Variants in MIER3 observed in about 807,000 individuals in gnomAD.
The protein encoded by MIER3 is MIER family member 3.
MIER3 carries 9 observed loss-of-function variants against 63.2 expected under a neutral mutation model. The ratio of observed to expected loss-of-function variants is 0.14; its 90% CI spans 0.09 to 0.25. The LOEUF (loss-of-function observed/expected upper bound fraction) is 0.25. Among genes scored for constraint, MIER3 ranks in the 10% least tolerant of loss-of-function variants. MIER3 has a pLI of 1.00. For missense variants in MIER3, 512 were observed against 666.2 expected, an observed-to-expected ratio of 0.77 and a Z score of 2.55; for synonymous variants, 205 against 224.9, an observed-to-expected ratio of 0.91 and a Z score of 0.79.
intron 9 of MIER3, 120 bp from the exon 10 acceptor site, chr5:56,928,981 ACTCTCTCTCT>A (rs371679889): frequency 7.9e-5 from 37 of 469,150 alleles, no homozygotes; most frequent in Non-Finnish European, 1.3e-4. Flanking sequence ...ACACACACAC[ACTCTCTCTCT>A]CACACACACA....
intron 8 of MIER3, among the ~76,000 whole-genome samples, chr5:56,932,366 T>A (rs1750298876): frequency 6.6e-6 from 1 of 152,178 alleles, no homozygotes; most frequent in Non-Finnish European, 1.5e-5. Context: ...CATGTGATAT[T>A]CAAAAAAGCA....
chr5:56,922,955 T>G lies in MIER3; in HGVS notation c.*173A>C. 1.6e-6 allele frequency: 1 copy of G among 616,460 alleles called. No homozygotes were observed. Among genetic ancestry groups the G allele is most frequent in the Non-Finnish European group, 2.8e-6 (1 of 355,386 alleles). 38.2% of individuals were successfully genotyped at this position (616,460 alleles called of 1,614,324 possible). A position where few individuals can be genotyped will look rare whatever the true frequency, so the allele number is the denominator to read the frequency against. ...TGATCATAGTTCATTTCCACATTTATGGATTGAAAAATGAAAATACTCTTG... is the reference window on the plus strand; with the variant it reads ...TGATCATAGTTCATTTCCACATTTAGGGATTGAAAAATGAAAATACTCTTG... On this transcript the variant is annotated 3_prime_UTR_variant, in exon 13 of 13. Coordinates refer to ENST00000381199, the MANE Select transcript of MIER3 (RefSeq NM_001297599.2).
chr5:56,949,602 G>A (rs1338499657), intron 2 of MIER3, among the ~76,000 whole-genome samples: 1 of 152,122 alleles, frequency 6.6e-6, no homozygotes, highest in East Asian at 1.9e-4. Flanking sequence ...TCTTCTACTT[G>A]GTGTTATAAT....
Position 56,923,082 on chromosome 5 carries a change from C to G in MIER3, c.*46G>C. 1 of 1,553,158 alleles carries G rather than the reference C, an allele frequency of 6.4e-7. No homozygotes were observed. Among genetic ancestry groups the G allele is most frequent in the Non-Finnish European group, 8.8e-7 (1 of 1,134,222 alleles). ...ACTATGCAAACCTGATAGCTCCCCT[C>G]AAGTTTACTGGTGCTGCACACGCAG... On this transcript the variant is annotated 3_prime_UTR_variant, in exon 13 of 13. Coordinates refer to ENST00000381199, the MANE Select transcript of MIER3 (RefSeq NM_001297599.2).
chr5:56,934,624 T>C (rs1378780351), intron 7 of MIER3, among the ~76,000 whole-genome samples: 2 of 152,130 alleles, frequency 1.3e-5, no homozygotes, highest in Admixed American at 6.5e-5. Context: ...TTGAAAGCAG[T>C]TTAGGAAAAC....
chr5:56,945,619 C>T (rs1415371356), intron 3 of MIER3, among the ~76,000 whole-genome samples: 1 of 152,178 alleles, frequency 6.6e-6, no homozygotes, highest in Non-Finnish European at 1.5e-5. Context: ...CAAAGTGCTA[C>T]TACGAGAAAA....
intron 3 of MIER3, among the ~76,000 whole-genome samples, chr5:56,939,870 C>T (rs1226372560): frequency 2.0e-5 from 3 of 152,224 alleles, no homozygotes; most frequent in Non-Finnish European, 4.4e-5. Flanking sequence ...TAATATGCTA[C>T]ACCATATAGC....
chr5:56,940,460 C>T (rs1388429691), intron 3 of MIER3, among the ~76,000 whole-genome samples: 1 of 152,192 alleles, frequency 6.6e-6, no homozygotes, highest in Non-Finnish European at 1.5e-5. Context: ...ACAGGGCCCA[C>T]AGGGGATGCA....
At chr5:56,945,127 G>A (rs972492990) in intron 3 of MIER3, among the ~76,000 whole-genome samples, 5 of 152,128 alleles carry the variant, frequency 3.3e-5, no homozygotes, top group African/African-American at 9.7e-5. Flanking sequence ...GAACATCAAG[G>A]GGGTAATTAT....
At chr5:56,930,321 G>T (rs1750214511) in intron 9 of MIER3, among the ~76,000 whole-genome samples, 1 of 147,034 alleles carries the variant, frequency 6.8e-6, no homozygotes, top group Non-Finnish European at 1.5e-5. Context: ...TTCATTTCCT[G>T]TCTGGCTGAA....
chr5:56,935,152 C>A (rs1337465565), intron 7 of MIER3, among the ~76,000 whole-genome samples: 1 of 152,082 alleles, frequency 6.6e-6, no homozygotes, highest in Non-Finnish European at 1.5e-5. Context: ...AGGTACAGCA[C>A]CGTGGGAGGC....
At chr5:56,926,998 C>A (rs1262955388) in intron 10 of MIER3, among the ~76,000 whole-genome samples, 1 of 152,084 alleles carries the variant, frequency 6.6e-6, no homozygotes, top group Admixed American at 6.5e-5. Context: ...GAAAAGGCTG[C>A]ATACTGTATA....
intron 10 of MIER3, among the ~76,000 whole-genome samples, chr5:56,927,590 G>C (rs544121761): frequency 1.7e-3 from 252 of 152,246 alleles, no homozygotes; most frequent in African/African-American, 5.8e-3. Context: ...TTTAAGAGTA[G>C]TTTGAGGTTC....
chr5:56,930,841 T>TA, intron 8 of MIER3, 96 bp from the exon 9 acceptor site: 1 of 960,520 alleles, frequency 1.0e-6, no homozygotes, highest in South Asian at 1.4e-5. Context: ...GGAGTCTTGA[T>TA]AAACACTGAA....
At chr5:56,947,995 C>T (rs1393380377) in intron 2 of MIER3, among the ~76,000 whole-genome samples, 2 of 152,120 alleles carry the variant, frequency 1.3e-5, no homozygotes, top group Admixed American at 6.5e-5. Context: ...CAATTAGACC[C>T]GTAACCCTCA....
At chr5:56,940,060 T>C (rs1336352158) in intron 3 of MIER3, among the ~76,000 whole-genome samples, 1 of 152,200 alleles carries the variant, frequency 6.6e-6, no homozygotes, top group Non-Finnish European at 1.5e-5. Context: ...CCAGTCGCAG[T>C]GGCTCACTCC....
intron 3 of MIER3, among the ~76,000 whole-genome samples, chr5:56,940,171 AAT>A (rs1182559863): frequency 6.6e-6 from 1 of 152,248 alleles, no homozygotes; most frequent in Non-Finnish European, 1.5e-5. Context: ...CTCTACTAAA[AAT>A]ACAAAAAAAG....
At chr5:56,951,149 G>A (rs1478803469) in intron 1 of MIER3, among the ~76,000 whole-genome samples, 1 of 152,126 alleles carries the variant, frequency 6.6e-6, no homozygotes, top group Non-Finnish European at 1.5e-5. Flanking sequence ...TGCAGCGTAG[G>A]CCAGCTCGAA....
intron 2 of MIER3, among the ~76,000 whole-genome samples, chr5:56,950,142 G>A (rs959838195): frequency 7.9e-5 from 12 of 152,066 alleles, no homozygotes; most frequent in Admixed American, 1.3e-4. Flanking sequence ...TTTTATTAAG[G>A]TAGCTTTACC....
Sources: gnomAD v4.1 joint callset for allele counts (sites outside exome capture counted in the v4.1 genomes callset) on GRCh38, gnomAD v4.1.1 for gene constraint, MANE v1.5 for transcripts, NCBI Gene and HGNC (gene_info 2026-07-23, HGNC 2026-07-21) for gene names.